The following RYR2 variants were observed in gnomAD, a reference collection of about 807,000 sequenced individuals.
The protein encoded by RYR2 is ryanodine receptor 2.
Under a neutral mutation model 601.1 loss-of-function variants are expected in RYR2, and 227 were observed. The observed-to-expected ratio is 0.38, with a 90% confidence interval of 0.34 to 0.42. The LOEUF (loss-of-function observed/expected upper bound fraction) is 0.42, where lower values mean the gene tolerates loss of function less well. RYR2 is among the 10% of genes least tolerant of loss of function. The probability of loss-of-function intolerance (pLI) is 1.00; values close to 1 mark genes in which losing one functional copy is unlikely to be tolerated. For synonymous variants in RYR2, 2,223 were observed against 2,175.1 expected, an observed-to-expected ratio of 1.02 and a Z score of -0.61; for missense variants, 4,646 against 6,156.5, an observed-to-expected ratio of 0.75 and a Z score of 8.21.
intron 3 of RYR2, among the ~76,000 whole-genome samples, chr1:237,340,584 AACT>A (rs1697685001): frequency 6.6e-6 from 1 of 152,164 alleles, no homozygotes; most frequent in Admixed American, 6.5e-5. Flanking sequence ...TTATATCTGA[AACT>A]TCTATTCTCA....
intron 2 of RYR2, among the ~76,000 whole-genome samples, chr1:237,282,750 A>C (rs1347157305): frequency 6.6e-6 from 1 of 152,184 alleles, no homozygotes; most frequent in Non-Finnish European, 1.5e-5. Context: ...AAAGGATGAG[A>C]GAATAAATGG....
At chr1:237,393,353 C>T (rs1211050222) in intron 10 of RYR2, among the ~76,000 whole-genome samples, 3 of 152,130 alleles carry the variant, frequency 2.0e-5, no homozygotes, top group East Asian at 3.9e-4. Flanking sequence ...TCCATGCCCC[C>T]TTTTAATATT....
In RYR2 at chr1:237,784,169, A is replaced by C. The variant is rs1273246817; in HGVS notation, c.12457A>C (p.Ser4153Arg). 2 of 1,614,032 alleles carry C rather than the reference A, an allele frequency of 1.2e-6. No individual in the cohort carries two copies. Among genetic ancestry groups the C allele is most frequent in the Non-Finnish European group, 8.5e-7 (1 of 1,179,890 alleles). The change falls in exon 90 of 105, where the codon AGT (serine) becomes CGT (arginine). Residue 4153 changes from serine (S) to arginine (R), a missense_variant. Ser to Arg is a moderately radical substitution (Grantham distance 110, BLOSUM62 -1). Around this residue, in one of 17 missense-constraint regions of RYR2, gnomAD observed 70 missense variants for 164.6 expected, o/e 0.43. Transcript: ENST00000366574. This position sits in a 1 kb window ranked among gnomAD's most constrained non-coding sequence, Gnocchi z 7.1. Reference protein sequence around the residue: ...KRIERVYFEISESSRTQWEKP... With the variant: ...KRIERVYFEIRESSRTQWEKP... ...CATCGAGAGGGTCTATTTTGAAATC[A>C]GTGAGTCCAGCCGAACCCAGTGGGA...
chr1:237,511,776 C>A lies in RYR2; in HGVS notation c.2807C>A (p.Ser936Ter). 1 of 1,480,976 alleles carries A rather than the reference C, an allele frequency of 6.8e-7. No individual in the cohort carries two copies. Among genetic ancestry groups the A allele is most frequent in the East Asian group, 2.5e-5 (1 of 40,486 alleles). The allele number at this position is 1,480,976 out of a possible 1,614,324, so 91.7% of individuals were successfully genotyped here. ...GAGCGCAATTACAACTTACAAATGT[C>A]GCTTGAGACCCTGAAGTGAGTTTCT... is the stretch of plus-strand genomic sequence containing the variant. ...EQERNYNLQM[S>*]LETLKTLLAL... The change falls in exon 24 of 105, where the codon TCG becomes TAG. Residue 936 changes from serine (S) to a stop codon, truncating the protein, a stop_gained. Coordinates refer to ENST00000366574, the MANE Select transcript of RYR2 (RefSeq NM_001035.3). LOFTEE classifies it high-confidence loss of function.
At chr1:237,097,572 T>C (rs1241144190) in intron 1 of RYR2, among the ~76,000 whole-genome samples, 1 of 152,218 alleles carries the variant, frequency 6.6e-6, no homozygotes, top group African/African-American at 2.4e-5. Flanking sequence ...GGCATCCTCA[T>C]GACACCATCT....
intron 17 of RYR2, among the ~76,000 whole-genome samples, chr1:237,477,332 A>G (rs887765651): frequency 6.6e-6 from 1 of 151,460 alleles, no homozygotes; most frequent in African/African-American, 2.4e-5. Context: ...CAGAGGTTGC[A>G]GTGAGCCGAG....
intron 4 of RYR2, among the ~76,000 whole-genome samples, chr1:237,358,503 G>A (rs1409962236): frequency 6.6e-6 from 1 of 151,952 alleles, no homozygotes; most frequent in Non-Finnish European, 1.5e-5. Flanking sequence ...TTTCTCTGTG[G>A]GCGCTTGGCA....
At chr1:237,339,121 G>A (rs1489535746) in intron 3 of RYR2, among the ~76,000 whole-genome samples, 2 of 151,984 alleles carry the variant, frequency 1.3e-5, no homozygotes, top group Admixed American at 6.6e-5. Flanking sequence ...GAATTAGTAT[G>A]TAAAACTGTG....
rs1391577892 is a variant in RYR2 at position 237,180,321 on chromosome 1, T to C, written c.49-90176T>C. 1.3e-5 allele frequency among the ~76,000 whole-genome samples: 2 copies of C among 152,068 alleles called. No individual in the cohort carries two copies. Among genetic ancestry groups the C allele is most frequent in the Admixed American group, 1.3e-4 (2 of 15,262 alleles). On this transcript the variant is annotated intron_variant, in intron 1 of 104. Transcript: ENST00000366574. The surrounding 1 kb of genome is among the most constrained non-coding windows in gnomAD (Gnocchi z 5.3). ...GCCCTCAGAGCTTGCCTGTTCTCCC[T>C]CTCCTTTCAGCTGTGGACACTGGGC...
intron 65 of RYR2, among the ~76,000 whole-genome samples, chr1:237,700,688 G>A (rs1022931433): frequency 6.6e-6 from 1 of 152,044 alleles, no homozygotes; most frequent in African/African-American, 2.4e-5. Flanking sequence ...GACCAGTAAG[G>A]TACTGGTTAT....
chr1:237,638,502 G>T lies in RYR2; in HGVS notation c.6928+10G>T. On this transcript the variant is annotated intron_variant, in intron 45 of 104. Transcript: ENST00000366574. ...GCTGTCTTCTGTAATGGTAGGACTT[G>T]ATTTCTTGAGGTCTTTTGAGTTATC... The T allele has an allele frequency of 1.2e-6, 2 of 1,613,220 alleles. No individual in the cohort carries two copies. The highest frequency in any genetic ancestry group is 2.2e-5 in the South Asian group (2 of 90,978).
intron 35 of RYR2, among the ~76,000 whole-genome samples, chr1:237,604,374 C>T (rs554996339): frequency 3.4e-4 from 51 of 152,132 alleles, no homozygotes; most frequent in Non-Finnish European, 5.9e-4. Context: ...TTGAAACCAA[C>T]GAGAACAAAG....
At chr1:237,046,425 G>A in intron 1 of RYR2, among the ~76,000 whole-genome samples, 1 of 152,176 alleles carries the variant, frequency 6.6e-6, no homozygotes, top group East Asian at 1.9e-4. Flanking sequence ...ATGTCACAGA[G>A]TACAAAGGAA....
At chr1:237,793,750 C>T (rs1314350819) in intron 94 of RYR2, 117 bp from the exon 95 acceptor site, 1 of 764,198 alleles carries the variant, frequency 1.3e-6, no homozygotes, top group African/African-American at 1.8e-5. Flanking sequence ...TCCATTTTTA[C>T]CTTCCTAGAA....
chr1:237,402,751 C>A (rs1344669298), intron 10 of RYR2, among the ~76,000 whole-genome samples: 1 of 151,172 alleles, frequency 6.6e-6, no homozygotes, highest in Non-Finnish European at 1.5e-5. Flanking sequence ...TTCATCCCTA[C>A]AAAAAAATTG....
chr1:237,619,476 A>G (rs1246656601), intron 38 of RYR2, among the ~76,000 whole-genome samples: 4 of 152,194 alleles, frequency 2.6e-5, no homozygotes, highest in African/African-American at 9.6e-5. Flanking sequence ...ACCCCATCTG[A>G]AGAAAAGATG....
At chr1:237,526,724 G>A (rs930885505) in intron 24 of RYR2, among the ~76,000 whole-genome samples, 8 of 151,862 alleles carry the variant, frequency 5.3e-5, no homozygotes, top group Non-Finnish European at 7.4e-5. Flanking sequence ...CTGGATATTA[G>A]TCCTTCATTG....
intron 24 of RYR2, among the ~76,000 whole-genome samples, chr1:237,518,746 A>T (rs1270315655): frequency 2.0e-5 from 3 of 152,180 alleles, no homozygotes; most frequent in Non-Finnish European, 4.4e-5. Flanking sequence ...TTTTTGATAT[A>T]TGGATTTCTT....
intron 1 of RYR2, among the ~76,000 whole-genome samples, chr1:237,229,925 C>G (rs576522535): frequency 3.3e-5 from 5 of 152,244 alleles, no homozygotes; most frequent in African/African-American, 1.2e-4. Flanking sequence ...TCCCTCTCAG[C>G]ATCATCTGTG....
Sources: allele counts gnomAD v4.1 joint callset (sites outside exome capture counted in the v4.1 genomes callset), GRCh38; gene constraint gnomAD v4.1.1; regional missense constraint gnomAD v4.1.1; non-coding constraint Gnocchi (gnomAD v3.1); transcripts MANE v1.5; gene names NCBI Gene and HGNC (gene_info 2026-07-23, HGNC 2026-07-21).